The following AOPEP variants were observed in gnomAD, a reference collection of about 807,000 sequenced individuals.
The protein encoded by AOPEP is aminopeptidase O.
Under a neutral mutation model 98.1 loss-of-function variants are expected in AOPEP, and 77 were observed. The observed-to-expected ratio is 0.78, with a 90% CI of 0.65 to 0.95. The LOEUF (loss-of-function observed/expected upper bound fraction) is 0.95. Ranked by LOEUF, AOPEP falls within the 40% of genes least tolerant of loss-of-function variation. AOPEP has a pLI of 0.00. For synonymous variants in AOPEP, 346 were observed against 365.3 expected (o/e 0.95, Z 0.60); for missense variants, 1,024 against 1,024.7 (o/e 1.00, Z 0.01).
downstream of AOPEP, among the ~76,000 whole-genome samples, chr9:95,090,610 G>A (rs2070854067): frequency 1.3e-5 from 2 of 152,162 alleles, no homozygotes; most frequent in African/African-American, 2.4e-5. Context: ...GGCCTCGCCA[G>A]CACCCTGGGG....
intron 13 of AOPEP, among the ~76,000 whole-genome samples, chr9:95,020,468 T>C (rs1181185771): frequency 6.6e-6 from 1 of 152,164 alleles, no homozygotes; most frequent in African/African-American, 2.4e-5. Context: ...CAGATAAGGA[T>C]TCTATAGTAA....
At chr9:94,870,602 C>G (rs2046234977) in intron 5 of AOPEP, among the ~76,000 whole-genome samples, 1 of 152,200 alleles carries the variant, frequency 6.6e-6, no homozygotes, top group Non-Finnish European at 1.5e-5. Flanking sequence ...TCCAGTAAGC[C>G]AAGCTTGCTG....
intron 1 of AOPEP, among the ~76,000 whole-genome samples, chr9:94,759,427 G>T (rs7860195): frequency 0.065 from 9,965 of 152,268 alleles, 1,078 homozygotes; most frequent in African/African-American, 0.23. Flanking sequence ...TTCTGGCTTT[G>T]TGGAGGCCCA....
intron 7 of AOPEP, among the ~76,000 whole-genome samples, chr9:94,944,997 C>T (rs1231116700): frequency 6.6e-6 from 1 of 152,120 alleles, no homozygotes; most frequent in Non-Finnish European, 1.5e-5. Context: ...GGTTGATCAA[C>T]AATCATCTGG....
intron 12 of AOPEP, 55 bp downstream of exon 12, chr9:95,005,275 G>A: frequency 1.1e-6 from 1 of 910,294 alleles, no homozygotes; most frequent in Non-Finnish European, 1.4e-6. Context: ...CGAGACCGCG[G>A]CTGGCGAGAG....
chr9:95,026,691 C>A (rs985538419), intron 13 of AOPEP, among the ~76,000 whole-genome samples: 6 of 152,100 alleles, frequency 3.9e-5, no homozygotes, highest in African/African-American at 1.4e-4. Flanking sequence ...TACCTCTCTC[C>A]GATAGATGAC....
chr9:95,002,068 C>T (rs536700647), intron 11 of AOPEP, among the ~76,000 whole-genome samples: 5 of 152,168 alleles, frequency 3.3e-5, no homozygotes, highest in South Asian at 4.2e-4. Flanking sequence ...TGTGAGCCAC[C>T]GTGCACAGCC....
intron 7 of AOPEP, among the ~76,000 whole-genome samples, chr9:94,943,931 A>G (rs865807259): frequency 6.8e-6 from 1 of 147,842 alleles, no homozygotes; most frequent in African/African-American, 2.6e-5. Flanking sequence ...AAAAAAAAAA[A>G]AAAAAAAAAA....
chr9:94,760,348 C>A lies in AOPEP; in HGVS notation c.565C>A (p.Arg189Ser). ...VSEEFRNQIV[R>S]ELVTLPANRW... is the part of the protein sequence containing the mutation. ...TGAGGAGTTCAGGAATCAGATTGTA[C>A]GTGAACTTGTGACTTTGCCTGCAAA... Residue 189 changes from arginine to serine, a missense_variant, in exon 2 of 17, where the codon CGT becomes AGT. By Grantham distance (110) the Arg-to-Ser change is moderately radical (BLOSUM62 -1). Around this residue, in one of 3 missense-constraint regions of AOPEP, gnomAD observed 440 missense variants for 433.8 expected, o/e 1.01. Transcript: ENST00000375315. The A allele has an allele frequency of 6.2e-7, 1 of 1,614,134 alleles. No individual in the cohort carries two copies. The highest frequency in any genetic ancestry group is 8.5e-7 in the Non-Finnish European group (1 of 1,180,024).
At chr9:94,808,167 G>A (rs140815697) in intron 5 of AOPEP, among the ~76,000 whole-genome samples, 54 of 151,986 alleles carry the variant, frequency 3.6e-4, no homozygotes, top group Middle Eastern at 3.4e-3. Context: ...AGCCTCCTGA[G>A]TAGCAGGGGC....
At chr9:94,899,292 C>T (rs995751943) in intron 5 of AOPEP, among the ~76,000 whole-genome samples, 2 of 136,088 alleles carry the variant, frequency 1.5e-5, no homozygotes, top group African/African-American at 5.4e-5. Flanking sequence ...TCACGCCATT[C>T]TCCTGCCTCA....
In AOPEP at chr9:95,019,011, C is replaced by T. The variant is rs2063238311; in HGVS notation, c.2115+13395C>T. 2.0e-5 allele frequency: 3 copies of T among 152,206 alleles called. No homozygotes were observed. In the East Asian group the frequency reaches 5.8e-4, roughly 29 times the overall value. The allele number at this position is 152,206 out of a possible 1,614,324, so 9.4% of individuals were successfully genotyped here. A position where few individuals can be genotyped will look rare whatever the true frequency, so the allele number is the denominator to read the frequency against. On this transcript the variant is annotated intron_variant, in intron 13 of 16. Coordinates refer to ENST00000375315, the MANE Select transcript of AOPEP (RefSeq NM_001193329.3). ...CCTCCATGACAGAGAAGCAGGAAAA[C>T]ATTCCTAAATTTATTTATAGACGTT...
chr9:95,012,991 G>GC (rs1044752747), intron 13 of AOPEP, among the ~76,000 whole-genome samples: 1 of 139,614 alleles, frequency 7.2e-6, no homozygotes, highest in Non-Finnish European at 1.6e-5. Context: ...TTTTTTTGGG[G>GC]GGGGGGGCAG....
intron 5 of AOPEP, among the ~76,000 whole-genome samples, chr9:94,919,845 C>T (rs905260367): frequency 3.3e-5 from 5 of 152,144 alleles, no homozygotes; most frequent in African/African-American, 1.2e-4. Context: ...GGGCAATGAG[C>T]CTGGTTCCCC....
chr9:95,016,775 C>CTT (rs113574295), intron 13 of AOPEP, among the ~76,000 whole-genome samples: 17 of 142,350 alleles, frequency 1.2e-4, no homozygotes, highest in East Asian at 2.0e-4. Context: ...ACCATGTCAG[C>CTT]TTTTTTTTTT....
chr9:94,851,105 C>T (rs909284064), intron 5 of AOPEP, among the ~76,000 whole-genome samples: 3 of 152,226 alleles, frequency 2.0e-5, no homozygotes, highest in African/African-American at 7.2e-5. Context: ...TGGAGGTGCC[C>T]ATCCCTGTGC....
chr9:94,894,930 C>CA (rs2049295514), intron 5 of AOPEP, among the ~76,000 whole-genome samples: 1 of 152,150 alleles, frequency 6.6e-6, no homozygotes, highest in South Asian at 2.1e-4. Context: ...TCAAATATGT[C>CA]AAAACTCAGT....
chr9:95,077,871 T>C (rs2069252987), intron 14 of AOPEP, among the ~76,000 whole-genome samples: 1 of 152,194 alleles, frequency 6.6e-6, no homozygotes, highest in Admixed American at 6.5e-5. Context: ...GGATTTTCTT[T>C]GTTTCTCAAA....
rs551800032 is a variant in AOPEP, at chr9:94,828,147, C to G, written c.1364+27145C>G. On this transcript the variant is annotated intron_variant, in intron 5 of 16. Coordinates refer to ENST00000375315, the MANE Select transcript of AOPEP (RefSeq NM_001193329.3). ...AGAATGCTGCGATAGATGTTTATTTCTCCCACCCTGTGGGCTGGCTTCATT... is the reference window on the plus strand; with the variant it reads ...AGAATGCTGCGATAGATGTTTATTTGTCCCACCCTGTGGGCTGGCTTCATT... Among the ~76,000 whole-genome samples the G allele has an allele frequency of 4.6e-5, 7 of 152,322 alleles. No individual in the cohort carries two copies. In the South Asian group the frequency reaches 1.5e-3, roughly 32 times the overall value.
Sources: gnomAD v4.1 joint callset for allele counts (sites outside exome capture counted in the v4.1 genomes callset) on GRCh38, gnomAD v4.1.1 for gene constraint, gnomAD v4.1.1 regional missense constraint, MANE v1.5 for transcripts, NCBI Gene and HGNC (gene_info 2026-07-23, HGNC 2026-07-21) for gene names.